GIGYF1: variants seen among roughly 807,000 people sequenced by gnomAD.
GIGYF1 encodes the protein GRB10-interacting GYF protein 1.
Under a neutral mutation model 147.1 loss-of-function variants are expected in GIGYF1, and 84 were observed. The ratio of observed to expected loss-of-function variants is 0.57; its 90% CI spans 0.48 to 0.68. GIGYF1 has a LOEUF of 0.68. Among genes scored for constraint, GIGYF1 ranks in the 30% least tolerant of loss-of-function variants. The pLI is 0.00. For missense variants in GIGYF1, 1,485 were observed against 1,393.7 expected (o/e 1.07, Z -1.04); for synonymous variants, 752 against 589.5 (o/e 1.28, Z -3.99).
intron 8 of GIGYF1, 47 bp from the exon 9 acceptor site, chr7:100,687,093 G>C (rs779740676): frequency 1.5e-5 from 24 of 1,611,108 alleles, no homozygotes; most frequent in Non-Finnish European, 1.7e-5. Context: ...AGCCTCCCCT[G>C]CCACCCTGTG....
In GIGYF1 at chr7:100,682,994, G is replaced by A. The variant is rs759072400; in HGVS notation, c.2412+18C>T. ...TGGAAACTGTAGGGGGAGCCCGGGAGGTTCCCGGCCTGCTCACCACTCGGT... is the reference window on the plus strand; with the variant it reads ...TGGAAACTGTAGGGGGAGCCCGGGAAGTTCCCGGCCTGCTCACCACTCGGT... On this transcript the variant is annotated intron_variant, in intron 22 of 26. Transcript: ENST00000678049. The A allele has an allele frequency of 3.4e-6, 5 of 1,477,670 alleles. No homozygotes were observed. The East Asian group carries it at 7.3e-5, about 22-fold the overall frequency. 91.5% of individuals were successfully genotyped at this position (1,477,670 alleles called of 1,614,324 possible). A position where few individuals can be genotyped will look rare whatever the true frequency, so the allele number is the denominator to read the frequency against.
In GIGYF1 at chr7:100,680,227, C is replaced by T. The variant is rs1212264894; in HGVS notation, c.*1492G>A. On this transcript the variant is annotated 3_prime_UTR_variant, in exon 27 of 27. Transcript: ENST00000678049. ...AAAACCAAACACCATCTTTCTGGGA[C>T]TAGATGGGGAAAGAAACGGGCCACT... is the stretch of plus-strand genomic sequence containing the variant. 8 of 148,814 alleles carry T rather than the reference C, an allele frequency of 5.4e-5. No individual in the cohort carries two copies. The highest frequency in any genetic ancestry group is 2.0e-4 in the African/African-American group (8 of 40,066). The allele number at this position is 148,814 out of a possible 1,614,324, so 9.2% of individuals were successfully genotyped here.
Position 100,681,478 on chromosome 7 carries a change from T to C in GIGYF1, c.*241A>G, listed in dbSNP as rs186195280. On this transcript the variant is annotated 3_prime_UTR_variant, in exon 27 of 27. Transcript: ENST00000678049. ...TTTTTAACAATATTTTTGCCTCTCC[T>C]AATGTTTTCTTCAGTCGTTTAAAAT... 33 of 398,514 alleles carry C rather than the reference T, an allele frequency of 8.3e-5. No homozygotes were observed. In the East Asian group the frequency reaches 1.1e-3, roughly 13 times the overall value. The allele number at this position is 398,514 out of a possible 1,614,324, so 24.7% of individuals were successfully genotyped here.
chr7:100,685,088 T>C lies in GIGYF1; in HGVS notation c.1251A>G (p.Gly417=). The part of the protein sequence containing the change: ...PGVGSSAGPP[G]DLEDDEGLKH... ...TCAAGCCTTCATCATCCTCCAGATC[T>C]CCGGGTGGGCCAGCAGAGGAGCCCA... The change falls in exon 14 of 27, where the codon GGA becomes GGG. Residue 417 remains glycine (G), a synonymous_variant. Coordinates refer to ENST00000678049, the MANE Select transcript of GIGYF1 (RefSeq NM_001375765.1). The C allele has an allele frequency of 6.3e-7, 1 of 1,579,300 alleles. No individual in the cohort carries two copies. Among genetic ancestry groups the C allele is most frequent in the Non-Finnish European group, 8.6e-7 (1 of 1,161,590 alleles).
intron 12 of GIGYF1, among the ~76,000 whole-genome samples, chr7:100,685,744 C>T (rs1331681979): frequency 6.6e-6 from 1 of 152,192 alleles, no homozygotes; most frequent in African/African-American, 2.4e-5. Flanking sequence ...TCTACAGCTT[C>T]TTCAAGGGAC....
rs1372555569 is a variant in GIGYF1 at position 100,688,623 on chromosome 7, G to C, written c.-166C>G. 2 of 482,598 alleles carry C rather than the reference G, an allele frequency of 4.1e-6. No homozygotes were observed. The highest frequency in any genetic ancestry group is 4.1e-6 in the Non-Finnish European group (1 of 246,868). 29.9% of individuals were successfully genotyped at this position (482,598 alleles called of 1,614,324 possible). A position where few individuals can be genotyped will look rare whatever the true frequency, so the allele number is the denominator to read the frequency against. ...GCCTGGCCCGGGAAGAAGGAGGGCA[G>C]GGGCTGGTGCTGGAGTGAACGAGGG... On this transcript the variant is annotated 5_prime_UTR_variant, in exon 2 of 27. Transcript: ENST00000678049.
rs769704427 is a variant in GIGYF1 at position 100,682,082 on chromosome 7, T to TGCC, written c.2912_2914dup (p.Arg971dup). 7.4e-6 allele frequency: 12 copies of TGCC among 1,612,972 alleles called. No individual in the cohort carries two copies. Among genetic ancestry groups the TGCC allele is most frequent in the South Asian group, 1.1e-5 (1 of 91,074 alleles). On this transcript the variant is annotated inframe_insertion, in exon 25 of 27. Transcript: ENST00000678049. Reference sequence around the variant, plus strand: ...TGCCGGCTGCCTCACCTGCTGCTGCTGCCGCTGCTGGCTGGCTTTCTGCTT... The same window carrying TGCC: ...TGCCGGCTGCCTCACCTGCTGCTGCTGCCGCCGCTGCTGGCTGGCTTTCTGCTT...
chr7:100,682,081 C>T lies in GIGYF1; in HGVS notation c.2916G>A (p.Gln972=), dbSNP rs1262938617. The T allele has an allele frequency of 6.2e-7, 1 of 1,613,014 alleles. No homozygotes were observed. Among genetic ancestry groups the T allele is most frequent in the Non-Finnish European group, 8.5e-7 (1 of 1,179,730 alleles). Residue 972 remains glutamine, a synonymous_variant, in exon 25 of 27, where the codon CAG becomes CAA. Coordinates refer to ENST00000678049, the MANE Select transcript of GIGYF1 (RefSeq NM_001375765.1). ...RAKQKASQQR[Q]QQQEAWLSSA... ...GTGCCGGCTGCCTCACCTGCTGCTG[C>T]TGCCGCTGCTGGCTGGCTTTCTGCT...
intron 16 of GIGYF1, 43 bp from the exon 17 acceptor site, chr7:100,684,380 G>C: frequency 6.3e-7 from 1 of 1,599,388 alleles, no homozygotes; most frequent in East Asian, 2.3e-5. Flanking sequence ...GCAGGGAGGA[G>C]GGGACTCTGC....
In GIGYF1 at chr7:100,683,160, C is replaced by A. The variant is rs1584491723; in HGVS notation, c.2264G>T (p.Ser755Ile). 6.2e-7 allele frequency: 1 copy of A among 1,601,864 alleles called. No homozygotes were observed. The highest frequency in any genetic ancestry group is 1.3e-5 in the African/African-American group (1 of 74,930). Residue 755 changes from serine to isoleucine, a missense_variant, in exon 22 of 27, where the codon AGC (serine) becomes ATC (isoleucine). Transcript: ENST00000678049. ...GCCAGCCCAGAGTGGGGGCGGGGAGCTGGGTGCGGGGGGCACAGGGACCGC... is the reference window on the plus strand; with the variant it reads ...GCCAGCCCAGAGTGGGGGCGGGGAGATGGGTGCGGGGGGCACAGGGACCGC... ...QQAVPVPPAP[S>I]SPPPLWAGLA...
intron 19 of GIGYF1, 23 bp downstream of exon 19, chr7:100,683,795 T>TG (rs1692368837): frequency 6.3e-7 from 1 of 1,577,004 alleles, no homozygotes; most frequent in Non-Finnish European, 8.6e-7. Flanking sequence ...GCCTTGGGGG[T>TG]GGGGACCAGT....
rs1466262934 is a variant in GIGYF1 at position 100,685,393 on chromosome 7, T to G, written c.1143A>C (p.Thr381=). The change falls in exon 13 of 27, where the codon ACA becomes ACC. Residue 381 remains threonine, a synonymous_variant. Transcript: ENST00000678049. The part of the protein sequence containing the change: ...PLPTLGPLWG[T]NGDGDETAEK... The stretch of plus-strand genomic sequence containing the variant: ...CTGCAGTTTCGTCCCCATCCCCGTT[T>G]GTCCCCCAGAGTGGGCCCAGGGTGG... 2 of 1,592,540 alleles carry G rather than the reference T, an allele frequency of 1.3e-6. No individual in the cohort carries two copies. Among genetic ancestry groups the G allele is most frequent in the Non-Finnish European group, 1.7e-6 (2 of 1,174,828 alleles).
intron 1 of GIGYF1, among the ~76,000 whole-genome samples, chr7:100,690,675 G>A (rs537531882): frequency 7.9e-5 from 12 of 151,742 alleles, no homozygotes; most frequent in South Asian, 6.3e-4. Context: ...CCAGCTACTC[G>A]GGAGGCTGAG....
At position 100,683,033 on chromosome 7, in the gene GIGYF1, G is replaced by A; in HGVS notation, c.2391C>T (p.Ala797=). The change falls in exon 22 of 27, where the codon GCC becomes GCT. Residue 797 remains alanine, a synonymous_variant. Transcript: ENST00000678049. ...TCACCACTCGGTGGTTGGGGGCCTG[G>A]GCCCGAGCTGGCTCCCGAGGTGGGG... The part of the protein sequence containing the change: ...KQPPPREPAR[A]QAPNHRVQLG... The A allele has an allele frequency of 1.3e-6, 2 of 1,547,690 alleles. No individual in the cohort carries two copies. The highest frequency in any genetic ancestry group is 1.7e-6 in the Non-Finnish European group (2 of 1,151,980).
chr7:100,688,323 GGCCATGAAGAACA>G lies in GIGYF1; in HGVS notation c.-69-29_-69-17del. 1.8e-6 allele frequency: 2 copies of G among 1,137,996 alleles called. No individual in the cohort carries two copies. The highest frequency in any genetic ancestry group is 2.6e-6 in the Non-Finnish European group (2 of 768,580). 70.5% of individuals were successfully genotyped at this position (1,137,996 alleles called of 1,614,324 possible). A position where few individuals can be genotyped will look rare whatever the true frequency, so the allele number is the denominator to read the frequency against. ...GTCCAAACACCTGTGGGGGAACAGGGGCCATGAAGAACAGCACACGAAGGAGAACTTTAAAGCG... is the reference window on the plus strand; with the variant it reads ...GTCCAAACACCTGTGGGGGAACAGGGGCACACGAAGGAGAACTTTAAAGCG... On this transcript the variant is annotated splice_polypyrimidine_tract_variant and intron_variant, in intron 3 of 26. Coordinates refer to ENST00000678049, the MANE Select transcript of GIGYF1 (RefSeq NM_001375765.1).
Position 100,683,447 on chromosome 7 carries a change from G to A in GIGYF1, c.2053-3C>T, listed in dbSNP as rs760031943. On this transcript the variant is annotated splice_polypyrimidine_tract_variant and splice_region_variant and intron_variant, in intron 20 of 26. Transcript: ENST00000678049. ...TCCACTTCTCTGCGCTCCTGGAACT[G>A]AGACCAGTGGCCCATCAGAGGGGAG... 7 of 1,614,024 alleles carry A rather than the reference G, an allele frequency of 4.3e-6. No homozygotes were observed. The highest frequency in any genetic ancestry group is 1.7e-5 in the Admixed American group (1 of 60,004).
At chr7:100,687,213 G>C (rs1805440467) in intron 8 of GIGYF1, 85 bp downstream of exon 8, 2 of 1,464,584 alleles carry the variant, frequency 1.4e-6, no homozygotes, top group South Asian at 1.2e-5. Context: ...TTATCTGGTG[G>C]GCCTCTGTTA....
Position 100,687,025 on chromosome 7 carries a change from C to A in GIGYF1, c.504G>T (p.Lys168Asn). 6.2e-7 allele frequency: 1 copy of A among 1,613,910 alleles called. No homozygotes were observed. The highest frequency in any genetic ancestry group is 8.5e-7 in the Non-Finnish European group (1 of 1,180,010). The change falls in exon 9 of 27, where the codon AAG (lysine) becomes AAT (asparagine). Residue 168 changes from lysine to asparagine, a missense_variant. Coordinates refer to ENST00000678049, the MANE Select transcript of GIGYF1 (RefSeq NM_001375765.1). Reference sequence around the variant, plus strand: ...TCGTACCTCCATCCCGCCTTGCTGACTTCTCAAACCGCCTCTCGCCTCTGC... The same window carrying A: ...TCGTACCTCCATCCCGCCTTGCTGAATTCTCAAACCGCCTCTCGCCTCTGC... The part of the protein sequence containing the change: ...WDDRGERRFE[K>N]SARRDGARCG...
Position 100,686,089 on chromosome 7 carries a change from G to A in GIGYF1, c.949-10C>T, listed in dbSNP as rs759806124. The A allele has an allele frequency of 6.2e-7, 1 of 1,611,412 alleles. No individual in the cohort carries two copies. Among genetic ancestry groups the A allele is most frequent in the Non-Finnish European group, 8.5e-7 (1 of 1,179,570 alleles). ...GCTCCTTGGGGCCCTTCTGCATGGG[G>A]CCGGGGTGGGGAGCAGAGAACAGCT... On this transcript the variant is annotated splice_polypyrimidine_tract_variant and intron_variant, in intron 11 of 26. Coordinates refer to ENST00000678049, the MANE Select transcript of GIGYF1 (RefSeq NM_001375765.1).
Sources: allele counts gnomAD v4.1 joint callset (sites outside exome capture counted in the v4.1 genomes callset), GRCh38; gene constraint gnomAD v4.1.1; transcripts MANE v1.5; gene names NCBI Gene and HGNC (gene_info 2026-07-23, HGNC 2026-07-21).